Variants in CTNNA2 observed in about 807,000 individuals in gnomAD.
The protein encoded by CTNNA2 is catenin alpha-2.
A neutral mutation model predicts 101.0 loss-of-function variants in CTNNA2; 42 were observed. The observed-to-expected ratio is 0.42, with a 90% CI of 0.32 to 0.54. The LOEUF (loss-of-function observed/expected upper bound fraction) is 0.54. Ranked by LOEUF, CTNNA2 falls within the 20% of genes least tolerant of loss-of-function variation. CTNNA2 has a pLI of 0.14. For synonymous variants in CTNNA2, 450 were observed against 456.4 expected (o/e 0.99, Z 0.18); for missense variants, 871 against 1,223.1 (o/e 0.71, Z 4.29).
chr2:79,923,750 C>T (rs1358459645), intron 7 of CTNNA2, among the ~76,000 whole-genome samples: 1 of 152,070 alleles, frequency 6.6e-6, no homozygotes, highest in East Asian at 1.9e-4. Flanking sequence ...GTGTTTCATC[C>T]CCCTCGCTGC....
At chr2:79,612,667 T>C (rs1033158424) in intron 1 of CTNNA2, among the ~76,000 whole-genome samples, 3 of 152,088 alleles carry the variant, frequency 2.0e-5, no homozygotes, top group African/African-American at 7.2e-5. Flanking sequence ...TAAGACTTAG[T>C]GGGGATGAAA....
chr2:79,793,209 G>A lies in CTNNA2; in HGVS notation c.298+48627G>A, dbSNP rs1277366922. Among the ~76,000 whole-genome samples the A allele has an allele frequency of 2.0e-5, 3 of 152,210 alleles. No individual in the cohort carries two copies. In the East Asian group the frequency reaches 5.8e-4, roughly 29 times the overall value. The stretch of plus-strand genomic sequence containing the variant: ...ATGTGCAGTATTGCAGTGCCAGCAA[G>A]CTAACTTGCCAGTTTCAGAAAAGCT... On this transcript the variant is annotated intron_variant, in intron 3 of 18. Transcript: ENST00000402739.
Position 80,301,312 on chromosome 2 carries a change from C to G in CTNNA2, c.1057-91899C>G, listed in dbSNP as rs115444814. 7.7e-3 allele frequency among the ~76,000 whole-genome samples: 1,168 copies of G among 152,280 alleles called. 15 individuals are homozygous for G. The highest frequency in any genetic ancestry group is 0.027 in the African/African-American group (1,114 of 41,536). On this transcript the variant is annotated intron_variant, in intron 7 of 18. Transcript: ENST00000402739. ...GGGATTCTGCCTCCTTCCCCTCAGC[C>G]AGACCAAAGAGAGCAGTGAGCTGAG...
chr2:79,349,668 T>G (rs1044813590), intron 3 of CTNNA2, among the ~76,000 whole-genome samples: 1 of 152,122 alleles, frequency 6.6e-6, no homozygotes, highest in African/African-American at 2.4e-5. Flanking sequence ...AGAGGAAGAA[T>G]AGCATGAGTT....
chr2:80,563,267 A>G (rs1276488416), intron 12 of CTNNA2, among the ~76,000 whole-genome samples: 2 of 152,152 alleles, frequency 1.3e-5, no homozygotes, highest in African/African-American at 4.8e-5. Context: ...ATTGTGCACA[A>G]CTGAGGCTGT....
intron 2 of CTNNA2, among the ~76,000 whole-genome samples, chr2:79,211,224 C>A (rs1316892127): frequency 6.6e-6 from 1 of 152,188 alleles, no homozygotes; most frequent in African/African-American, 2.4e-5. Context: ...TATTTCCCCA[C>A]CTGTAATTGT....
At chr2:79,496,247 T>A (rs1366779789) in intron 4 of CTNNA2, among the ~76,000 whole-genome samples, 2 of 152,198 alleles carry the variant, frequency 1.3e-5, no homozygotes, top group Non-Finnish European at 2.9e-5. Flanking sequence ...AATTTTTTTC[T>A]TTTTAGACTT....
At chr2:79,598,816 C>T (rs527798074) in intron 1 of CTNNA2, among the ~76,000 whole-genome samples, 41 of 152,218 alleles carry the variant, frequency 2.7e-4, no homozygotes, top group Admixed American at 1.5e-3. Context: ...TTTAATAAGT[C>T]TAGTTTATCA....
chr2:79,740,118 T>G (rs1671185647), intron 2 of CTNNA2, among the ~76,000 whole-genome samples: 1 of 152,156 alleles, frequency 6.6e-6, no homozygotes, highest in East Asian at 1.9e-4. Flanking sequence ...ACCCAGGTAT[T>G]TAACCTAATG....
chr2:79,917,608 T>C (rs1305838068), intron 7 of CTNNA2, among the ~76,000 whole-genome samples: 2 of 152,162 alleles, frequency 1.3e-5, no homozygotes, highest in African/African-American at 4.8e-5. Flanking sequence ...AGAGGGTTTT[T>C]TTTCTTACTT....
chr2:80,485,285 A>G (rs2149507860), intron 9 of CTNNA2, among the ~76,000 whole-genome samples: 1 of 152,306 alleles, frequency 6.6e-6, no homozygotes, highest in Admixed American at 6.5e-5. Flanking sequence ...GCCAAATATA[A>G]TCAGCATCCC....
chr2:79,461,939 C>T (rs1401811697), intron 4 of CTNNA2, among the ~76,000 whole-genome samples: 1 of 150,864 alleles, frequency 6.6e-6, no homozygotes, highest in Non-Finnish European at 1.5e-5. Context: ...TGTACAGTAG[C>T]AAAAATTTTT....
intron 3 of CTNNA2, among the ~76,000 whole-genome samples, chr2:79,784,583 T>G (rs993520348): frequency 2.0e-5 from 3 of 151,666 alleles, no homozygotes; most frequent in African/African-American, 7.3e-5. Flanking sequence ...GCCCCAGTTT[T>G]CTGTGTATCA....
intron 11 of CTNNA2, 109 bp downstream of exon 11, chr2:80,546,172 G>A: frequency 7.4e-7 from 1 of 1,344,430 alleles, no homozygotes; most frequent in African/African-American, 1.5e-5. Context: ...GCACTCCTTA[G>A]ATCTTTGAGC....
At chr2:79,478,385 T>C (rs1369899549) in intron 4 of CTNNA2, among the ~76,000 whole-genome samples, 1 of 152,208 alleles carries the variant, frequency 6.6e-6, no homozygotes, top group Non-Finnish European at 1.5e-5. Context: ...CCATACTTTA[T>C]TTCATTATCT....
At chr2:79,799,670 A>C (rs775466088) in intron 3 of CTNNA2, among the ~76,000 whole-genome samples, 18 of 152,184 alleles carry the variant, frequency 1.2e-4, no homozygotes, top group Non-Finnish European at 2.4e-4. Context: ...GTAGGCTTTA[A>C]ATTTTTTCTT....
At chr2:80,595,816 CT>C (rs1330461983) in intron 15 of CTNNA2, among the ~76,000 whole-genome samples, 2 of 152,022 alleles carry the variant, frequency 1.3e-5, no homozygotes, top group Non-Finnish European at 2.9e-5. Flanking sequence ...CAGCTTTGTC[CT>C]TTTTGCTTAG....
intron 18 of CTNNA2, among the ~76,000 whole-genome samples, chr2:80,622,864 A>C (rs1196646745): frequency 1.3e-5 from 2 of 151,500 alleles, no homozygotes; most frequent in Non-Finnish European, 2.9e-5. Context: ...TAGTAAGTAA[A>C]CAAGGACTCA....
At chr2:79,816,328 G>C (rs995229623) in intron 3 of CTNNA2, among the ~76,000 whole-genome samples, 1 of 151,984 alleles carries the variant, frequency 6.6e-6, no homozygotes, top group Admixed American at 6.6e-5. Flanking sequence ...TCCTTGTTTT[G>C]TTTCAGTTCT....
Sources: gnomAD v4.1 joint callset for allele counts (sites outside exome capture counted in the v4.1 genomes callset) on GRCh38, gnomAD v4.1.1 for gene constraint, MANE v1.5 for transcripts, NCBI Gene and HGNC (gene_info 2026-07-23, HGNC 2026-07-21) for gene names.